FAM13C: variants seen among roughly 807,000 people sequenced by gnomAD.
FAM13C encodes protein FAM13C.
A neutral mutation model predicts 73.2 loss-of-function variants in FAM13C; 37 were observed. The observed-to-expected ratio is 0.51, with a 90% confidence interval of 0.39 to 0.67. The LOEUF (loss-of-function observed/expected upper bound fraction) is 0.67. FAM13C is among the 30% of genes least tolerant of loss of function. FAM13C has a pLI of 0.00. For synonymous variants in FAM13C, 246 were observed against 260.9 expected (o/e 0.94, Z 0.55); for missense variants, 589 against 715.6 (o/e 0.82, Z 2.02).
intron 5 of FAM13C, among the ~76,000 whole-genome samples, chr10:59,290,375 T>C (rs1405378247): frequency 6.6e-6 from 1 of 152,236 alleles, no homozygotes; most frequent in African/African-American, 2.4e-5. Flanking sequence ...CCTATGATGA[T>C]ATGAAGCAAA....
intron 10 of FAM13C, among the ~76,000 whole-genome samples, chr10:59,259,545 A>C (rs1030181034): frequency 7.9e-5 from 12 of 152,264 alleles, no homozygotes; most frequent in South Asian, 4.1e-4. Context: ...CTGACTAGCT[A>C]CTACATGGTT....
At chr10:59,354,653 T>C (rs1855482260) in intron 2 of FAM13C, among the ~76,000 whole-genome samples, 1 of 152,156 alleles carries the variant, frequency 6.6e-6, no homozygotes, top group African/African-American at 2.4e-5. Context: ...ATGAAAGCTA[T>C]TGTTACTCTC....
chr10:59,294,419 G>A (rs2133804974), intron 5 of FAM13C, among the ~76,000 whole-genome samples: 1 of 152,298 alleles, frequency 6.6e-6, no homozygotes, highest in South Asian at 2.1e-4. Context: ...GGTCAACTAG[G>A]CAAGTCCTGC....
intron 1 of FAM13C, among the ~76,000 whole-genome samples, chr10:59,359,790 G>C: frequency 6.6e-6 from 1 of 152,334 alleles, no homozygotes; most frequent in East Asian, 1.9e-4. Flanking sequence ...AAACCTGGGA[G>C]ACTGCAATTT....
At chr10:59,251,525 G>T in intron 13 of FAM13C, 50 bp downstream of exon 13, 2 of 1,507,670 alleles carry the variant, frequency 1.3e-6, no homozygotes, top group Non-Finnish European at 1.8e-6. Flanking sequence ...ATTTTTAACA[G>T]CAATTCTCTA....
At chr10:59,254,498 A>C (rs1841738889) in intron 10 of FAM13C, 55 bp from the exon 11 acceptor site, 4 of 1,072,466 alleles carry the variant, frequency 3.7e-6, no homozygotes, top group Non-Finnish European at 3.9e-6. Context: ...TGAAAACGTC[A>C]ACATTTTTAG....
intron 2 of FAM13C, among the ~76,000 whole-genome samples, chr10:59,353,271 ACACTCTTATTT>A (rs1291268792): frequency 6.6e-6 from 1 of 152,182 alleles, no homozygotes; most frequent in Non-Finnish European, 1.5e-5. Context: ...TGACATGATA[ACACTCTTATTT>A]GAAGCCATTC....
At chr10:59,336,212 T>C (rs1852705129) in intron 3 of FAM13C, among the ~76,000 whole-genome samples, 2 of 152,044 alleles carry the variant, frequency 1.3e-5, no homozygotes, top group Admixed American at 1.3e-4. Flanking sequence ...ATGCAGACTC[T>C]TCTGCATTCT....
chr10:59,352,162 G>T, intron 3 of FAM13C, 108 bp downstream of exon 3: 2 of 1,269,320 alleles, frequency 1.6e-6, no homozygotes, highest in Non-Finnish European at 2.2e-6. Flanking sequence ...GACAAGTCGT[G>T]CCAATCCCCT....
At chr10:59,323,143 A>C (rs1564582493) in intron 4 of FAM13C, 1 of 152,244 alleles carries the variant, frequency 6.6e-6, no homozygotes, top group Non-Finnish European at 1.5e-5. Flanking sequence ...TCAGGCTCAG[A>C]AGCACAGCCC....
chr10:59,287,393 A>G (rs1198991030), intron 5 of FAM13C, among the ~76,000 whole-genome samples: 1 of 148,328 alleles, frequency 6.7e-6, no homozygotes, highest in African/African-American at 2.5e-5. Context: ...TAGGTTAGAT[A>G]TATTTTAAGA....
chr10:59,307,013 C>A (rs751442932), intron 4 of FAM13C, among the ~76,000 whole-genome samples: 2 of 151,220 alleles, frequency 1.3e-5, no homozygotes, highest in Middle Eastern at 3.4e-3. Flanking sequence ...ATGCGGTAAT[C>A]AAAATTATTA....
chr10:59,347,932 G>C (rs1287462234), intron 3 of FAM13C, among the ~76,000 whole-genome samples: 2 of 152,106 alleles, frequency 1.3e-5, no homozygotes, highest in African/African-American at 2.4e-5. Flanking sequence ...ATCATTGATG[G>C]AACATTTCAG....
chr10:59,248,596 G>A (rs1840977289), intron 13 of FAM13C, among the ~76,000 whole-genome samples: 2 of 152,078 alleles, frequency 1.3e-5, no homozygotes, highest in African/African-American at 2.4e-5. Context: ...TTCCACCCAC[G>A]ACTTTGAAAT....
At chr10:59,321,171 G>A (rs952483118) in intron 4 of FAM13C, among the ~76,000 whole-genome samples, 1 of 152,086 alleles carries the variant, frequency 6.6e-6, no homozygotes, top group African/African-American at 2.4e-5. Context: ...ATGTAATTAA[G>A]GACCTCGAGA....
intron 8 of FAM13C, among the ~76,000 whole-genome samples, chr10:59,266,634 C>T (rs984392843): frequency 6.6e-6 from 1 of 152,180 alleles, no homozygotes; most frequent in Non-Finnish European, 1.5e-5. Context: ...CCCTACTGCT[C>T]CCTGATCTGT....
At chr10:59,281,423 C>T (rs932794891) in intron 6 of FAM13C, among the ~76,000 whole-genome samples, 3 of 152,196 alleles carry the variant, frequency 2.0e-5, no homozygotes, top group African/African-American at 7.2e-5. Flanking sequence ...GGCAATATCC[C>T]TGCCAAATGA....
chr10:59,315,941 T>A (rs752536104), intron 4 of FAM13C, among the ~76,000 whole-genome samples: 5 of 152,160 alleles, frequency 3.3e-5, no homozygotes, highest in Non-Finnish European at 4.4e-5. Flanking sequence ...ATATCTCTTT[T>A]TTTCTTTTAA....
intron 4 of FAM13C, among the ~76,000 whole-genome samples, chr10:59,315,355 G>T (rs1849398035): frequency 6.6e-6 from 1 of 152,196 alleles, no homozygotes; most frequent in South Asian, 2.1e-4. Flanking sequence ...TTATGTAACT[G>T]CTTTTTTCCA....
Sources: allele counts gnomAD v4.1 joint callset (sites outside exome capture counted in the v4.1 genomes callset), GRCh38; gene constraint gnomAD v4.1.1; transcripts MANE v1.5; gene names NCBI Gene and HGNC (gene_info 2026-07-23, HGNC 2026-07-21).